The following CDC42 variants were observed in gnomAD, a reference collection of about 807,000 sequenced individuals.
CDC42 encodes cell division cycle 42, also known as cell division control protein 42 homolog.
A neutral mutation model predicts 20.8 loss-of-function variants in CDC42; 1 was observed. The observed-to-expected ratio is 0.05, with a 90% confidence interval of 0.02 to 0.23. The LOEUF (loss-of-function observed/expected upper bound fraction) is 0.23. Among genes scored for constraint, CDC42 ranks in the 10% least tolerant of loss-of-function variants. The pLI, the probability that CDC42 is intolerant of heterozygous loss-of-function variation, is 1.00. For synonymous variants in CDC42, 72 were observed against 84.8 expected, an observed-to-expected ratio of 0.85 and a Z score of 0.83; for missense variants, 49 against 227.9, an observed-to-expected ratio of 0.21 and a Z score of 5.05.
chr1:22,060,202 G>A (rs1645347637), intron 1 of CDC42, among the ~76,000 whole-genome samples: 1 of 152,046 alleles, frequency 6.6e-6, no homozygotes, highest in African/African-American at 2.4e-5. Context: ...ATTAGCCATG[G>A]TGGCATGCAC....
At chr1:22,064,598 T>C (rs147361194) in intron 1 of CDC42, among the ~76,000 whole-genome samples, 1 of 152,156 alleles carries the variant, frequency 6.6e-6, no homozygotes, top group Non-Finnish European at 1.5e-5. Context: ...GCCTTGTGAG[T>C]GCTCTTATTT....
intron 5 of CDC42, among the ~76,000 whole-genome samples, chr1:22,088,581 A>T (rs937806730): frequency 1.3e-5 from 2 of 152,172 alleles, no homozygotes; most frequent in African/African-American, 4.8e-5. Context: ...GATTCCTCTA[A>T]AACTAAAGTC....
chr1:22,060,895 G>C (rs1342408400), intron 1 of CDC42, among the ~76,000 whole-genome samples: 1 of 152,196 alleles, frequency 6.6e-6, no homozygotes, highest in African/African-American at 2.4e-5. Flanking sequence ...TAACTTGAAA[G>C]GATAGTTCTA....
At chr1:22,063,005 A>G (rs1645383520) in intron 1 of CDC42, among the ~76,000 whole-genome samples, 1 of 152,070 alleles carries the variant, frequency 6.6e-6, no homozygotes, top group Non-Finnish European at 1.5e-5. Context: ...CTTGGAATAC[A>G]GGCACAATAT....
intron 1 of CDC42, among the ~76,000 whole-genome samples, chr1:22,077,171 A>G (rs981407917): frequency 1.3e-5 from 2 of 152,078 alleles, no homozygotes; most frequent in African/African-American, 4.8e-5. Context: ...AAAGAAAAAT[A>G]TACTGCAGAT....
At chr1:22,060,828 G>T (rs565381204) in intron 1 of CDC42, among the ~76,000 whole-genome samples, 2 of 152,290 alleles carry the variant, frequency 1.3e-5, no homozygotes, top group African/African-American at 4.8e-5. Context: ...TAGGGTTTAA[G>T]ATTAACAAGA....
In CDC42 at chr1:22,098,783, G is replaced by A. The variant is rs1355295317; in HGVS notation, c.*7266G>A. The stretch of plus-strand genomic sequence containing the variant: ...TTTACTTATTTATTTTTTGGAGACA[G>A]GGTCTCACTCTGTCACCCAGGCTGG... On this transcript the variant is annotated 3_prime_UTR_variant, in exon 6 of 6. Transcript: ENST00000656825. Among the ~76,000 whole-genome samples, 2 of 152,090 alleles carry A rather than the reference G, an allele frequency of 1.3e-5. No homozygotes were observed. Among genetic ancestry groups the A allele is most frequent in the African/African-American group, 4.8e-5 (2 of 41,408 alleles).
intron 1 of CDC42, among the ~76,000 whole-genome samples, chr1:22,064,550 C>T (rs1341481745): frequency 1.3e-5 from 2 of 152,200 alleles, no homozygotes. Context: ...CTCGGCCTCC[C>T]AAAGTGCTGG....
At chr1:22,068,826 A>G (rs1430002803) in intron 1 of CDC42, 1 of 152,244 alleles carries the variant, frequency 6.6e-6, no homozygotes, top group Non-Finnish European at 1.5e-5. Flanking sequence ...CTCAGGTGCC[A>G]TGCTGGCTTC....
At position 22,098,614 on chromosome 1, in the gene CDC42, T is replaced by G. The variant is rs1440690310; in HGVS notation, c.*7097T>G. Among the ~76,000 whole-genome samples the G allele has an allele frequency of 6.6e-5, 10 of 152,240 alleles. No individual in the cohort carries two copies. Among genetic ancestry groups the G allele is most frequent in the Non-Finnish European group, 1.5e-4 (10 of 68,050 alleles). On this transcript the variant is annotated 3_prime_UTR_variant, in exon 6 of 6. Coordinates refer to ENST00000656825, the MANE Select transcript of CDC42 (RefSeq NM_001791.4). ...GAGCACCATTTAAATTTTTATAAAT[T>G]ATTTTTTAGAGGCATCACTTCTTTA...
At position 22,088,261 on chromosome 1, in the gene CDC42, T is replaced by G. The variant is rs1645680680; in HGVS notation, c.486+1395T>G. Among the ~76,000 whole-genome samples the G allele has an allele frequency of 2.0e-5, 3 of 152,346 alleles. No individual in the cohort carries two copies. In the South Asian group the frequency reaches 6.2e-4, roughly 32 times the overall value. On this transcript the variant is annotated intron_variant, in intron 5 of 5. Coordinates refer to ENST00000656825, the MANE Select transcript of CDC42 (RefSeq NM_001791.4). The stretch of plus-strand genomic sequence containing the variant: ...ATGTTAGACACTAATTCTGTGTGCT[T>G]CTGATGCATACCTCTGTTCTCTAGA...
At chr1:22,075,163 T>C (rs985244516) in intron 1 of CDC42, among the ~76,000 whole-genome samples, 1 of 152,226 alleles carries the variant, frequency 6.6e-6, no homozygotes, top group South Asian at 2.1e-4. Flanking sequence ...TGATTTTTAG[T>C]CTGGTCACTT....
intron 1 of CDC42, among the ~76,000 whole-genome samples, chr1:22,055,970 T>C (rs1327060556): frequency 6.7e-6 from 1 of 149,830 alleles, no homozygotes; most frequent in Non-Finnish European, 1.5e-5. Context: ...TTAACATATC[T>C]TCCATGAAAA....
rs1645778124 is a variant in CDC42 at position 22,099,744 on chromosome 1, C to T, written c.*8227C>T. ...TGTAGCTTTAGAGGATTGTAGGGTG[C>T]CTTTGCCCATTGTGTCATTTGGTCC... On this transcript the variant is annotated 3_prime_UTR_variant, in exon 6 of 6. Transcript: ENST00000656825. Among the ~76,000 whole-genome samples, 1 of 152,058 alleles carries T rather than the reference C, an allele frequency of 6.6e-6. No homozygotes were observed. Among genetic ancestry groups the T allele is most frequent in the Non-Finnish European group, 1.5e-5 (1 of 68,018 alleles).
In CDC42 at chr1:22,094,294, A is replaced by ATTTTTTTTTCTTTT. The variant is rs1645741271; in HGVS notation, c.*2786_*2787insCTTTTTTTTTTTTT. On this transcript the variant is annotated 3_prime_UTR_variant, in exon 6 of 6. Transcript: ENST00000656825. Reference sequence around the variant, plus strand: ...GTTTTACTGAACATCCTAGAAATAGATTTTTTTTTTTTTTTTTTTTTGAGA... The same window carrying ATTTTTTTTTCTTTT: ...GTTTTACTGAACATCCTAGAAATAGATTTTTTTTTCTTTTTTTTTTTTTTTTTTTTTTTTTGAGA... Among the ~76,000 whole-genome samples the ATTTTTTTTTCTTTT allele has an allele frequency of 2.6e-5, 1 of 38,292 alleles. No individual in the cohort carries two copies. The highest frequency in any genetic ancestry group is 4.2e-5 in the Non-Finnish European group (1 of 23,610). 25.1% of individuals were successfully genotyped at this position (38,292 alleles called of 152,430 possible).
At chr1:22,082,886 T>A (rs1291305282) in intron 3 of CDC42, among the ~76,000 whole-genome samples, 4 of 150,922 alleles carry the variant, frequency 2.7e-5, no homozygotes, top group Non-Finnish European at 3.0e-5. Context: ...TTTTTATTTT[T>A]TTTTTTTGTT....
At chr1:22,076,689 A>G (rs987212530) in intron 1 of CDC42, among the ~76,000 whole-genome samples, 1 of 152,144 alleles carries the variant, frequency 6.6e-6, no homozygotes, top group Non-Finnish European at 1.5e-5. Flanking sequence ...GCTGCTTACT[A>G]TTATTATTTG....
rs1329657008 is a variant in CDC42, at chr1:22,094,845, A to G, written c.*3328A>G. The stretch of plus-strand genomic sequence containing the variant: ...AAGTTGTCACTAAATTTGTGCTATC[A>G]TAATTGTTACCTTCATAGAATGCTT... On this transcript the variant is annotated 3_prime_UTR_variant, in exon 6 of 6. Coordinates refer to ENST00000656825, the MANE Select transcript of CDC42 (RefSeq NM_001791.4). Among the ~76,000 whole-genome samples, 1 of 152,250 alleles carries G rather than the reference A, an allele frequency of 6.6e-6. No individual in the cohort carries two copies. Among genetic ancestry groups the G allele is most frequent in the African/African-American group, 2.4e-5 (1 of 41,554 alleles).
rs1330142917 is a variant in CDC42, at chr1:22,093,119, GTTCAGGTTTGTGCT to G, written c.*1606_*1619del. Among the ~76,000 whole-genome samples, 6 of 152,128 alleles carry G rather than the reference GTTCAGGTTTGTGCT, an allele frequency of 3.9e-5. No homozygotes were observed. The highest frequency in any genetic ancestry group is 1.4e-4 in the African/African-American group (6 of 41,416). ...TGAGATAATATTTAGCCCTCTATAT[GTTCAGGTTTGTGCT>G]TTCTCCTCTAAGTTTGACCCTTCCC... On this transcript the variant is annotated 3_prime_UTR_variant, in exon 6 of 6. Transcript: ENST00000656825.
Sources: allele counts gnomAD v4.1 joint callset (sites outside exome capture counted in the v4.1 genomes callset), GRCh38; gene constraint gnomAD v4.1.1; transcripts MANE v1.5; gene names NCBI Gene and HGNC (gene_info 2026-07-23, HGNC 2026-07-21).